The following RPGRIP1L variants were observed in gnomAD, a reference collection of about 807,000 sequenced individuals.
The protein encoded by RPGRIP1L is RPGRIP1 like.
RPGRIP1L carries 131 observed loss-of-function variants against 160.4 expected under a neutral mutation model. The ratio of observed to expected loss-of-function variants is 0.82; its 90% CI spans 0.71 to 0.94. The LOEUF (loss-of-function observed/expected upper bound fraction) is 0.94, where lower values mean the gene tolerates loss of function less well. RPGRIP1L is among the 40% of genes least tolerant of loss of function. RPGRIP1L has a pLI of 0.00. For missense variants in RPGRIP1L, 1,522 were observed against 1,535.8 expected, an observed-to-expected ratio of 0.99 and a Z score of 0.15; for synonymous variants, 510 against 515.8, an observed-to-expected ratio of 0.99 and a Z score of 0.15.
At chr16:53,681,942 C>T (rs934975753) in intron 6 of RPGRIP1L, among the ~76,000 whole-genome samples, 1 of 152,028 alleles carries the variant, frequency 6.6e-6, no homozygotes, top group Admixed American at 6.6e-5. Flanking sequence ...AATATGTTTC[C>T]CATTTTGTGA....
intron 9 of RPGRIP1L, among the ~76,000 whole-genome samples, chr16:53,668,523 G>C (rs960062277): frequency 2.6e-5 from 4 of 152,102 alleles, no homozygotes; most frequent in Non-Finnish European, 5.9e-5. Context: ...GATGGTATGG[G>C]GGCAGAGGGA....
chr16:53,686,668 G>A, intron 5 of RPGRIP1L, 92 bp from the exon 6 acceptor site: 1 of 1,329,508 alleles, frequency 7.5e-7, no homozygotes, highest in Non-Finnish European at 1.1e-6. Flanking sequence ...ATGAAAAAGA[G>A]CAAGCAGAAG....
chr16:53,636,358 T>A (rs184688427), intron 22 of RPGRIP1L, 81 bp downstream of exon 22: 2 of 973,234 alleles, frequency 2.1e-6, no homozygotes, highest in African/African-American at 3.2e-5. Context: ...TTAAGATTTT[T>A]ATATATGAAG....
intron 21 of RPGRIP1L, 97 bp downstream of exon 21, chr16:53,637,598 G>A (rs1717535247): frequency 1.9e-5 from 20 of 1,071,834 alleles, no homozygotes; most frequent in South Asian, 1.5e-4. Flanking sequence ...TGAAGTAGAC[G>A]CTACCATTAA....
chr16:53,623,798 T>C (rs1447320862), intron 22 of RPGRIP1L, among the ~76,000 whole-genome samples: 2 of 152,224 alleles, frequency 1.3e-5, no homozygotes, highest in Non-Finnish European at 2.9e-5. Context: ...ACCAATATCT[T>C]ACTCATTTTT....
chr16:53,695,333 A>G (rs1407686332), intron 3 of RPGRIP1L: 1 of 702,960 alleles, frequency 1.4e-6, no homozygotes, highest in South Asian at 1.5e-5. Flanking sequence ...GCCTGCACAT[A>G]GCATGCCAGT....
chr16:53,646,056 C>T (rs777094158), intron 16 of RPGRIP1L, 53 bp from the exon 17 acceptor site: 3 of 1,522,100 alleles, frequency 2.0e-6, no homozygotes, highest in African/African-American at 2.7e-5. Context: ...AAAAGATGAA[C>T]AGCAGCTGCC....
chr16:53,660,195 A>T (rs1418605201), intron 10 of RPGRIP1L, among the ~76,000 whole-genome samples: 2 of 152,170 alleles, frequency 1.3e-5, no homozygotes, highest in Admixed American at 1.3e-4. Flanking sequence ...TCACTGTCAC[A>T]CTCAGGTATC....
In RPGRIP1L at chr16:53,615,468, A is replaced by ATTT. The variant is rs1441369433; in HGVS notation, c.3616+3556_3616+3557insAAA. On this transcript the variant is annotated intron_variant, in intron 24 of 26. Coordinates refer to ENST00000647211, the MANE Select transcript of RPGRIP1L (RefSeq NM_015272.5). ...TTTCTAAGAATATATATATATATAT[A>ATTT]TATATTTTTTTTTTTTTTTTTTTGA... is the stretch of plus-strand genomic sequence containing the variant. Among the ~76,000 whole-genome samples, 118 of 69,852 alleles carry ATTT rather than the reference A, an allele frequency of 1.7e-3. 1 individual carries two copies. The highest frequency in any genetic ancestry group is 4.2e-3 in the African/African-American group (67 of 15,892). 45.8% of individuals were successfully genotyped at this position (69,852 alleles called of 152,430 possible).
chr16:53,637,712 T>C lies in RPGRIP1L; in HGVS notation c.3203A>G (p.Glu1068Gly), dbSNP rs372404481. 168 of 1,609,990 alleles carry C rather than the reference T, an allele frequency of 1.0e-4. No homozygotes were observed. The highest frequency in any genetic ancestry group is 1.4e-4 in the Non-Finnish European group (164 of 1,179,728). ...AAAGTCACCTTCTGGTTCCAAGTCC[T>C]CTGTTATTTCTGTTTCATCTTCAGA... The part of the protein sequence containing the change: ...ASSEDETEIT[E>G]DLEPEVEEDM... The change falls in exon 21 of 27, where the codon GAG becomes GGG. Residue 1068 changes from glutamate to glycine, a missense_variant. Transcript: ENST00000647211.
At chr16:53,643,306 TAAAAAA>T in intron 17 of RPGRIP1L, among the ~76,000 whole-genome samples, 1 of 111,408 alleles carries the variant, frequency 9.0e-6, no homozygotes, top group East Asian at 2.4e-4. Flanking sequence ...AGACTCCATC[TAAAAAA>T]AAAAAAAAAA....
rs760325160 is a variant in RPGRIP1L at position 53,686,478 on chromosome 16, T to G, written c.731A>C (p.Glu244Ala). 3.1e-6 allele frequency: 5 copies of G among 1,613,642 alleles called. No homozygotes were observed. Among genetic ancestry groups the G allele is most frequent in the Non-Finnish European group, 4.2e-6 (5 of 1,179,752 alleles). ...TTCTCGAAGCTGAAGAAGAGATAAC[T>G]CAATTTCATTTTCTTTTCTCCTCAA... ...TQLRRKENEI[E>A]LSLLQLREQQ... is the part of the protein sequence containing the mutation. The change falls in exon 6 of 27, where the codon GAG becomes GCG. Residue 244 changes from glutamate (E) to alanine (A), a missense_variant. Transcript: ENST00000647211.
intron 24 of RPGRIP1L, among the ~76,000 whole-genome samples, chr16:53,611,478 C>T (rs534866519): frequency 6.6e-6 from 1 of 152,344 alleles, no homozygotes; most frequent in South Asian, 2.1e-4. Context: ...TTTAATCCTT[C>T]TCTTCTGCCA....
rs1567820347 is a variant in RPGRIP1L, at chr16:53,637,788, C to CA, written c.3126dup (p.Asp1043Ter). On this transcript the variant is annotated frameshift_variant, in exon 21 of 27. Transcript: ENST00000647211. LOFTEE classifies it high-confidence loss of function. ...TGACCTTCAGATAGTAAAGACACAT[C>CA]ATCTTTTCCTTGCTGCATTTTCTCA... The CA allele has an allele frequency of 6.2e-7, 1 of 1,613,258 alleles. No homozygotes were observed. The highest frequency in any genetic ancestry group is 1.7e-5 in the Admixed American group (1 of 59,978).
Position 53,605,581 on chromosome 16 carries a change from C to T in RPGRIP1L, c.3735G>A (p.Glu1245=). The change falls in exon 26 of 27, where the codon GAG becomes GAA. Residue 1245 remains glutamate (E), a synonymous_variant. Coordinates refer to ENST00000647211, the MANE Select transcript of RPGRIP1L (RefSeq NM_015272.5). ...LRFTVVSDPP[E]DEQDLECEDI... is the part of the protein sequence containing the mutation. ...CCTCACACTCCAGGTCCTGCTCGTCCTCTGGAGGGTCACTGACCACGGTGA... is the reference window on the plus strand; with the variant it reads ...CCTCACACTCCAGGTCCTGCTCGTCTTCTGGAGGGTCACTGACCACGGTGA... The T allele has an allele frequency of 6.2e-7, 1 of 1,614,064 alleles. No homozygotes were observed. Among genetic ancestry groups the T allele is most frequent in the African/African-American group, 1.3e-5 (1 of 75,032 alleles).
At chr16:53,625,054 G>C (rs908352843) in intron 22 of RPGRIP1L, among the ~76,000 whole-genome samples, 3 of 152,170 alleles carry the variant, frequency 2.0e-5, no homozygotes, top group East Asian at 1.9e-4. Context: ...ACGGAGTCTC[G>C]CTCACTCAGT....
chr16:53,695,384 A>T, intron 3 of RPGRIP1L: 2 of 702,860 alleles, frequency 2.8e-6, no homozygotes, highest in African/African-American at 1.7e-5. Flanking sequence ...AACTGGAACC[A>T]CCTCCTTAGG....
chr16:53,630,122 G>A (rs1295570931), intron 22 of RPGRIP1L, among the ~76,000 whole-genome samples: 1 of 151,990 alleles, frequency 6.6e-6, no homozygotes, highest in Non-Finnish European at 1.5e-5. Flanking sequence ...TCCCAGCTCT[G>A]CAGCCCTGAA....
intron 14 of RPGRIP1L, chr16:53,653,264 C>A: frequency 1.1e-6 from 1 of 945,060 alleles, no homozygotes; most frequent in Non-Finnish European, 1.3e-6. Flanking sequence ...GAAAAGCGCT[C>A]TTAATGAACA....
Sources: gnomAD v4.1 joint callset for allele counts (sites outside exome capture counted in the v4.1 genomes callset) on GRCh38, gnomAD v4.1.1 for gene constraint, MANE v1.5 for transcripts, NCBI Gene and HGNC (gene_info 2026-07-23, HGNC 2026-07-21) for gene names.